The following PIGN variants were observed in gnomAD, a reference collection of about 807,000 sequenced individuals.
PIGN encodes GPI ethanolamine phosphate transferase 1.
In PIGN, 117 loss-of-function variants were observed where a neutral mutation model predicts 125.4. The ratio of observed to expected loss-of-function variants is 0.93; its 90% CI spans 0.80 to 1.09. The LOEUF (loss-of-function observed/expected upper bound fraction) is 1.09, where lower values mean the gene tolerates loss of function less well. Ranked by LOEUF, PIGN falls within the 50% of genes least tolerant of loss-of-function variation. PIGN has a pLI of 0.00. For missense variants in PIGN, 1,075 were observed against 1,094.9 expected, an observed-to-expected ratio of 0.98 and a Z score of 0.26; for synonymous variants, 392 against 377.8, an observed-to-expected ratio of 1.04 and a Z score of -0.44.
chr18:62,157,035 A>G, intron 6 of PIGN, 94 bp downstream of exon 6: 1 of 526,206 alleles, frequency 1.9e-6, no homozygotes, highest in Non-Finnish European at 3.3e-6. Context: ...ATGTGTAAAA[A>G]TCAACACATA....
chr18:62,063,432 G>GCCAAAATCTATGGTTTTATAGATTTTAT (rs1163517705), intron 30 of PIGN, among the ~76,000 whole-genome samples: 4,891 of 81,580 alleles, frequency 0.06, 259 homozygotes, highest in East Asian at 0.12. Flanking sequence ...ATAGATTTTA[G>GCCAAAATCTATGGTTTTATAGATTTTAT]CCAAAATCTA....
intron 25 of PIGN, among the ~76,000 whole-genome samples, chr18:62,085,874 C>T (rs1448343737): frequency 1.3e-5 from 2 of 152,172 alleles, no homozygotes; most frequent in Non-Finnish European, 2.9e-5. Context: ...TAAAATGGTG[C>T]CTAGCCCACT....
In PIGN at chr18:62,132,661, G is replaced by A. The variant is rs369997465; in HGVS notation, c.1172+5582C>T. Among the ~76,000 whole-genome samples the A allele has an allele frequency of 3.9e-5, 6 of 151,960 alleles. No homozygotes were observed. In the East Asian group the frequency reaches 7.8e-4, roughly 20 times the overall value. On this transcript the variant is annotated intron_variant, in intron 14 of 30. Coordinates refer to ENST00000640252, the MANE Select transcript of PIGN (RefSeq NM_176787.5). ...GTTCAAGATAAGCTTGGGCAACATA[G>A]GGAGATCCCATCTCTATTAAAAAAA... is the stretch of plus-strand genomic sequence containing the variant.
intron 25 of PIGN, among the ~76,000 whole-genome samples, chr18:62,085,578 G>A (rs2145969389): frequency 6.6e-6 from 1 of 152,156 alleles, no homozygotes; most frequent in Admixed American, 6.5e-5. Flanking sequence ...TTTTTCAAAA[G>A]AAAAACATGG....
chr18:62,164,070 A>T (rs1039618848), intron 1 of PIGN, among the ~76,000 whole-genome samples: 4 of 152,204 alleles, frequency 2.6e-5, no homozygotes, highest in African/African-American at 9.6e-5. Context: ...TTGGTTATCC[A>T]GTCACTTATT....
At chr18:62,056,087 C>A (rs2145261298) in intron 30 of PIGN, among the ~76,000 whole-genome samples, 4 of 136,844 alleles carry the variant, frequency 2.9e-5, no homozygotes, top group South Asian at 2.7e-4. Flanking sequence ...ACCGCAATTA[C>A]TTTTGCACCA....
chr18:62,114,023 T>G (rs1173499298), intron 15 of PIGN, among the ~76,000 whole-genome samples: 1 of 152,126 alleles, frequency 6.6e-6, no homozygotes, highest in African/African-American at 2.4e-5. Flanking sequence ...TGGCATCTAT[T>G]TTCTCATTTT....
intron 16 of PIGN, among the ~76,000 whole-genome samples, chr18:62,110,860 CAT>C (rs199667894): frequency 2.0e-4 from 29 of 146,670 alleles, no homozygotes; most frequent in African/African-American, 5.2e-4. Flanking sequence ...ATATATAATA[CAT>C]ATATATATAT....
At chr18:62,162,995 TACCAA>T (rs2037008458) in intron 2 of PIGN, among the ~76,000 whole-genome samples, 1 of 152,160 alleles carries the variant, frequency 6.6e-6, no homozygotes, top group Non-Finnish European at 1.5e-5. Flanking sequence ...TTCTTCAAAT[TACCAA>T]ACCAATTTAA....
At chr18:62,170,026 C>A (rs2037295939) in intron 1 of PIGN, among the ~76,000 whole-genome samples, 1 of 152,208 alleles carries the variant, frequency 6.6e-6, no homozygotes. Flanking sequence ...GGCTCTAATT[C>A]TCAGCAACAC....
At chr18:62,106,720 C>G (rs980795385) in intron 19 of PIGN, 69 bp downstream of exon 19, 3 of 962,556 alleles carry the variant, frequency 3.1e-6, no homozygotes, top group Non-Finnish European at 4.8e-6. Context: ...ATAAACAGTT[C>G]CTTGAGTTAC....
chr18:62,104,985 A>G (rs1257208755), intron 20 of PIGN: 1 of 152,238 alleles, frequency 6.6e-6, no homozygotes, highest in African/African-American at 2.4e-5. Context: ...TAAATATAGC[A>G]GCACAGTAAG....
At position 62,138,314 on chromosome 18, in the gene PIGN, G is replaced by T; in HGVS notation, c.1117-16C>A. On this transcript the variant is annotated splice_polypyrimidine_tract_variant and intron_variant, in intron 13 of 30. Transcript: ENST00000640252. ...TCATTTTCACCTGGGAACCAAGTAT[G>T]AAAATATTACAAATGAGAAAAATAA... 6.5e-7 allele frequency: 1 copy of T among 1,527,080 alleles called. No homozygotes were observed. Among genetic ancestry groups the T allele is most frequent in the South Asian group, 1.3e-5 (1 of 78,624 alleles). 94.6% of individuals were successfully genotyped at this position (1,527,080 alleles called of 1,614,324 possible). A position where few individuals can be genotyped will look rare whatever the true frequency, so the allele number is the denominator to read the frequency against.
intron 30 of PIGN, among the ~76,000 whole-genome samples, chr18:62,061,490 C>T (rs1228889270): frequency 3.4e-5 from 2 of 59,648 alleles, no homozygotes; most frequent in South Asian, 7.7e-4. Flanking sequence ...CCGGCCTGGG[C>T]GACAGAGCGA....
At chr18:62,039,730 T>C (rs79148702), downstream of PIGN, among the ~76,000 whole-genome samples, 1,203 of 37,358 alleles carry the variant, frequency 0.032, 1 homozygote, top group Non-Finnish European at 0.047. Flanking sequence ...GTGCCGCACA[T>C]CATGTTTAGG....
chr18:62,058,323 T>C (rs183941814), intron 30 of PIGN, among the ~76,000 whole-genome samples: 16 of 152,360 alleles, frequency 1.1e-4, no homozygotes, highest in Admixed American at 2.6e-4. Flanking sequence ...TTGACTGACT[T>C]GTGGAGTGGC....
intron 30 of PIGN, among the ~76,000 whole-genome samples, chr18:62,067,438 C>T (rs968335500): frequency 5.9e-5 from 9 of 152,144 alleles, no homozygotes; most frequent in African/African-American, 2.2e-4. Context: ...ATATATAGAA[C>T]ATTTCTGTCA....
Position 62,100,251 on chromosome 18 carries a change from C to A in PIGN, c.2077+824G>T, listed in dbSNP as rs573506049. On this transcript the variant is annotated intron_variant, in intron 22 of 30. Transcript: ENST00000640252. ...CACTAATCTTCAAAGAAATGCAAATCAAAACCACAATGAGATATCATCTCA... is the reference window on the plus strand; with the variant it reads ...CACTAATCTTCAAAGAAATGCAAATAAAAACCACAATGAGATATCATCTCA... 7.4e-4 allele frequency among the ~76,000 whole-genome samples: 112 copies of A among 152,200 alleles called. 1 individual carries two copies. The highest frequency in any genetic ancestry group is 1.4e-3 in the Non-Finnish European group (95 of 67,990).
Position 62,113,263 on chromosome 18 carries a change from A to G in PIGN, c.1305T>C (p.Tyr435=). The G allele has an allele frequency of 6.2e-7, 1 of 1,612,672 alleles. No individual in the cohort carries two copies. Among genetic ancestry groups the G allele is most frequent in the Non-Finnish European group, 8.5e-7 (1 of 1,179,162 alleles). Residue 435 remains tyrosine (Y), a synonymous_variant, in exon 16 of 31, where the codon TAT becomes TAC. Coordinates refer to ENST00000640252, the MANE Select transcript of PIGN (RefSeq NM_176787.5). ...IHLALKGLSY[Y]HTYDRFFLGV... is the part of the protein sequence containing the mutation. ...CCAAAAAGAATCTGTCATATGTGTG[A>G]TAATAGGACAATCCTTTCAATGCAA...
Sources: allele counts gnomAD v4.1 joint callset (sites outside exome capture counted in the v4.1 genomes callset), GRCh38; gene constraint gnomAD v4.1.1; transcripts MANE v1.5; gene names NCBI Gene and HGNC (gene_info 2026-07-23, HGNC 2026-07-21).